Variants in COMMD10 observed in about 807,000 individuals in gnomAD.
COMMD10 encodes COMM domain-containing protein 10.
COMMD10 carries 33 observed loss-of-function variants against 28.9 expected under a neutral mutation model. That is an observed-to-expected ratio of 1.14 (90% CI 0.87 to 1.53). The LOEUF (loss-of-function observed/expected upper bound fraction) is 1.53. Ranked by LOEUF, COMMD10 falls within the 40% of genes most tolerant of loss-of-function variation. COMMD10 has a pLI of 0.00. For missense variants in COMMD10, 310 were observed against 233.4 expected (o/e 1.33, Z -2.14); for synonymous variants, 110 against 81.7 (o/e 1.35, Z -1.87).
chr5:116,188,186 G>T (rs572330472), intron 5 of COMMD10, among the ~76,000 whole-genome samples: 17 of 152,198 alleles, frequency 1.1e-4, no homozygotes, highest in African/African-American at 3.9e-4. Flanking sequence ...AAAATAACTT[G>T]TCTGTGACCT....
At chr5:116,167,461 C>T (rs1221802384) in intron 5 of COMMD10, among the ~76,000 whole-genome samples, 1 of 152,102 alleles carries the variant, frequency 6.6e-6, no homozygotes, top group Non-Finnish European at 1.5e-5. Context: ...CCTAGCAAGA[C>T]AGGACAACAT....
intron 5 of COMMD10, among the ~76,000 whole-genome samples, chr5:116,186,284 A>C (rs1461454396): frequency 6.6e-6 from 1 of 151,974 alleles, no homozygotes; most frequent in Non-Finnish European, 1.5e-5. Context: ...CATAACCCCA[A>C]ACTGCTTTTG....
chr5:116,166,669 T>C (rs1382715913), intron 5 of COMMD10, among the ~76,000 whole-genome samples: 2 of 152,126 alleles, frequency 1.3e-5, no homozygotes, highest in Non-Finnish European at 2.9e-5. Flanking sequence ...CTTTGCTGTT[T>C]TGCAGCCTCC....
At chr5:116,274,816 G>C (rs985603928) in intron 5 of COMMD10, among the ~76,000 whole-genome samples, 1 of 151,532 alleles carries the variant, frequency 6.6e-6, no homozygotes, top group Non-Finnish European at 1.5e-5. Flanking sequence ...ATTTATTATT[G>C]ATCTTCTTGA....
At chr5:116,111,695 A>G (rs1044126418) in intron 4 of COMMD10, among the ~76,000 whole-genome samples, 3 of 152,194 alleles carry the variant, frequency 2.0e-5, no homozygotes, top group Non-Finnish European at 4.4e-5. Context: ...GGCATAACAT[A>G]TGGTCTATAT....
Position 116,134,080 on chromosome 5 carries a change from G to T in COMMD10, c.412G>T (p.Gly138Ter). The change falls in exon 5 of 7, where the codon GGA becomes TGA. Residue 138 changes from glycine (G) to a stop codon, truncating the protein, a stop_gained. Transcript: ENST00000274458. LOFTEE classifies it high-confidence loss of function. ...CTGTCTTTTATAGCTAGAGACCGTT[G>T]GATGGCAGCTTAACCTTCAGATGGC... ...ILAPCKLETV[G>*]WQLNLQMAHS... 6.3e-7 allele frequency: 1 copy of T among 1,597,456 alleles called. No individual in the cohort carries two copies. Among genetic ancestry groups the T allele is most frequent in the South Asian group, 1.1e-5 (1 of 90,764 alleles).
chr5:116,231,228 A>G (rs1354113975), intron 5 of COMMD10, among the ~76,000 whole-genome samples: 1 of 152,180 alleles, frequency 6.6e-6, no homozygotes, highest in Non-Finnish European at 1.5e-5. Flanking sequence ...AGAATCATTA[A>G]TCCAGGGATA....
chr5:116,259,048 A>G (rs1489454395), intron 5 of COMMD10, among the ~76,000 whole-genome samples: 1 of 146,862 alleles, frequency 6.8e-6, no homozygotes, highest in Non-Finnish European at 1.5e-5. Flanking sequence ...TTTTATCTTT[A>G]GCTACGTCCT....
At chr5:116,263,523 G>A (rs748817562) in intron 5 of COMMD10, among the ~76,000 whole-genome samples, 2 of 151,558 alleles carry the variant, frequency 1.3e-5, no homozygotes. Flanking sequence ...AGATCCAGGC[G>A]ATAATCAACT....
chr5:116,200,966 T>A (rs1166340313), intron 5 of COMMD10, among the ~76,000 whole-genome samples: 1 of 152,164 alleles, frequency 6.6e-6, no homozygotes, highest in Non-Finnish European at 1.5e-5. Flanking sequence ...AGTGTTCTGT[T>A]GTCCTATGAT....
chr5:116,105,487 A>G (rs1380661961), intron 4 of COMMD10, among the ~76,000 whole-genome samples: 4 of 152,198 alleles, frequency 2.6e-5, no homozygotes, highest in African/African-American at 4.8e-5. Flanking sequence ...TGAATTAGGA[A>G]GGATTCCCTC....
At chr5:116,195,411 A>C (rs574323735) in intron 5 of COMMD10, among the ~76,000 whole-genome samples, 2 of 152,136 alleles carry the variant, frequency 1.3e-5, no homozygotes, top group Non-Finnish European at 2.9e-5. Context: ...TGAAAACCCT[A>C]AGGACTCCTC....
chr5:116,188,078 C>T (rs1043444577), intron 5 of COMMD10, among the ~76,000 whole-genome samples: 3 of 152,108 alleles, frequency 2.0e-5, no homozygotes, highest in African/African-American at 4.8e-5. Context: ...TGTTAGTTTC[C>T]AGTAACTATA....
intron 5 of COMMD10, among the ~76,000 whole-genome samples, chr5:116,171,678 G>A (rs1207459603): frequency 1.3e-5 from 2 of 152,136 alleles, no homozygotes; most frequent in Non-Finnish European, 2.9e-5. Flanking sequence ...GTCCTTTGCA[G>A]CATCATGGAT....
Position 116,225,353 on chromosome 5 carries a change from G to GTTTTTTTTTTTTTTT in COMMD10, c.511-66164_511-66163insTTTTTTTTTTTTTTT, listed in dbSNP as rs143964154. 1.7e-5 allele frequency among the ~76,000 whole-genome samples: 2 copies of GTTTTTTTTTTTTTTT among 116,512 alleles called. 1 individual carries two copies. The highest frequency in any genetic ancestry group is 3.4e-5 in the Non-Finnish European group (2 of 58,966). 76.4% of individuals were successfully genotyped at this position (116,512 alleles called of 152,430 possible). On this transcript the variant is annotated intron_variant, in intron 5 of 6. Coordinates refer to ENST00000274458, the MANE Select transcript of COMMD10 (RefSeq NM_016144.4). ...AGACTTTCCTGTTTGTTTTTTTGGG[G>GTTTTTTTTTTTTTTT]ATTTTTTTTTTTTTTTTTGCATATG...
chr5:116,270,512 T>A (rs1426272629), intron 5 of COMMD10, among the ~76,000 whole-genome samples: 1 of 151,880 alleles, frequency 6.6e-6, no homozygotes, highest in Admixed American at 6.6e-5. Flanking sequence ...GAGATACTGA[T>A]GAAAAGGAAT....
chr5:116,176,306 C>T (rs774963069), intron 5 of COMMD10, among the ~76,000 whole-genome samples: 30 of 152,074 alleles, frequency 2.0e-4, no homozygotes, highest in Non-Finnish European at 3.8e-4. Flanking sequence ...GTAGAGACAG[C>T]GTTTGCCAGG....
intron 5 of COMMD10, among the ~76,000 whole-genome samples, chr5:116,259,008 A>G (rs191711178): frequency 6.0e-5 from 9 of 149,632 alleles, no homozygotes; most frequent in African/African-American, 2.0e-4. Context: ...ATTCTGAATA[A>G]TCTTTTGTCT....
intron 5 of COMMD10, among the ~76,000 whole-genome samples, chr5:116,221,800 A>G (rs1471207269): frequency 6.6e-6 from 1 of 152,188 alleles, no homozygotes; most frequent in Non-Finnish European, 1.5e-5. Flanking sequence ...GGAAGCCAAG[A>G]GCAAAGTAAA....
Sources: gnomAD v4.1 joint callset for allele counts (sites outside exome capture counted in the v4.1 genomes callset) on GRCh38, gnomAD v4.1.1 for gene constraint, MANE v1.5 for transcripts, NCBI Gene and HGNC (gene_info 2026-07-23, HGNC 2026-07-21) for gene names.